The following FAT3 variants were observed in gnomAD, a reference collection of about 807,000 sequenced individuals.
The protein encoded by FAT3 is protocadherin Fat 3.
FAT3 carries 95 observed loss-of-function variants against 310.2 expected under a neutral mutation model. The ratio of observed to expected loss-of-function variants is 0.31; its 90% CI spans 0.26 to 0.36. The LOEUF (loss-of-function observed/expected upper bound fraction) is 0.36, where lower values mean the gene tolerates loss of function less well. Ranked by LOEUF, FAT3 falls within the 10% of genes least tolerant of loss-of-function variation. The pLI, the probability that FAT3 is intolerant of heterozygous loss-of-function variation, is 1.00. For missense variants in FAT3, 5,408 were observed against 5,715.6 expected (o/e 0.95, Z 1.74); for synonymous variants, 2,314 against 2,192.9 (o/e 1.06, Z -1.54).
intron 1 of FAT3, among the ~76,000 whole-genome samples, chr11:92,285,013 A>C (rs1021746793): frequency 2.0e-5 from 3 of 152,162 alleles, no homozygotes; most frequent in Non-Finnish European, 4.4e-5. Flanking sequence ...AAATGACATT[A>C]TAGGTATTAT....
At chr11:92,805,120 T>G in intron 10 of FAT3, 33 bp from the exon 11 acceptor site, 2 of 1,594,836 alleles carry the variant, frequency 1.3e-6, no homozygotes, top group South Asian at 2.3e-5. Context: ...TCATTGCACA[T>G]CTTCAAAAGC....
chr11:92,558,400 T>TTGTGTGTGTG (rs1285090598), intron 3 of FAT3, among the ~76,000 whole-genome samples: 3 of 78,544 alleles, frequency 3.8e-5, no homozygotes, highest in Admixed American at 1.5e-4. Flanking sequence ...CGTGTTGTGT[T>TTGTGTGTGTG]TATGTGTGTG....
intron 2 of FAT3, among the ~76,000 whole-genome samples, chr11:92,466,566 A>T (rs10444212): frequency 0.096 from 14,523 of 150,838 alleles, 1,066 homozygotes; most frequent in African/African-American, 0.21. Flanking sequence ...TTTTTTTTTT[A>T]AATTTTTTAA....
chr11:92,417,172 G>T (rs1950435029), intron 2 of FAT3, among the ~76,000 whole-genome samples: 1 of 152,084 alleles, frequency 6.6e-6, no homozygotes, highest in South Asian at 2.1e-4. Flanking sequence ...TTTTGTTGTG[G>T]TTCATTTCCT....
intron 1 of FAT3, among the ~76,000 whole-genome samples, chr11:92,244,472 A>G (rs1352316362): frequency 6.6e-6 from 1 of 152,136 alleles, no homozygotes; most frequent in Non-Finnish European, 1.5e-5. Context: ...GTTTTGCTGA[A>G]TGACTAAAAG....
chr11:92,368,833 C>CATATATATAT (rs778237959), intron 2 of FAT3, among the ~76,000 whole-genome samples: 10,669 of 140,872 alleles, frequency 0.076, 800 homozygotes, highest in African/African-American at 0.18. Flanking sequence ...TGTGTGTATA[C>CATATATATAT]ATATATATAT....
chr11:92,828,601 G>A (rs532448197), intron 13 of FAT3, among the ~76,000 whole-genome samples: 2 of 152,090 alleles, frequency 1.3e-5, no homozygotes, highest in Admixed American at 6.6e-5. Flanking sequence ...TGAGGAGGTG[G>A]GGGGAGTGTG....
intron 3 of FAT3, among the ~76,000 whole-genome samples, chr11:92,595,218 A>G (rs1939643398): frequency 1.3e-5 from 2 of 152,078 alleles, no homozygotes; most frequent in South Asian, 4.2e-4. Context: ...TGAGTTCAGG[A>G]GAGGATGATG....
At chr11:92,675,177 G>A (rs554523658) in intron 3 of FAT3, among the ~76,000 whole-genome samples, 6 of 152,196 alleles carry the variant, frequency 3.9e-5, no homozygotes, top group Non-Finnish European at 5.9e-5. Context: ...AACATTTATC[G>A]TCTGTTTGCT....
At chr11:92,464,294 T>G (rs1951707809) in intron 2 of FAT3, among the ~76,000 whole-genome samples, 1 of 152,200 alleles carries the variant, frequency 6.6e-6, no homozygotes, top group African/African-American at 2.4e-5. Context: ...ATTCTAATTG[T>G]TGGTCCTGGC....
chr11:92,838,345 A>C (rs1041544948), intron 17 of FAT3, among the ~76,000 whole-genome samples: 1 of 152,166 alleles, frequency 6.6e-6, no homozygotes, highest in Non-Finnish European at 1.5e-5. Context: ...TCCATAAGCA[A>C]TTTGTTTAAC....
chr11:92,400,056 C>T (rs1038901658), intron 2 of FAT3: 2 of 152,150 alleles, frequency 1.3e-5, no homozygotes, highest in African/African-American at 4.8e-5. Flanking sequence ...CCCAACACCT[C>T]TGAGATTGTC....
intron 4 of FAT3, among the ~76,000 whole-genome samples, chr11:92,709,999 A>G (rs993177518): frequency 1.3e-5 from 2 of 152,208 alleles, no homozygotes; most frequent in Non-Finnish European, 2.9e-5. Context: ...AAAGATGCTG[A>G]TAAGTCTTGA....
intron 3 of FAT3, among the ~76,000 whole-genome samples, chr11:92,617,994 C>A (rs900202044): frequency 1.3e-5 from 2 of 152,214 alleles, no homozygotes; most frequent in African/African-American, 4.8e-5. Flanking sequence ...GGGAGAACCA[C>A]TACTCTCTTC....
intron 17 of FAT3, among the ~76,000 whole-genome samples, chr11:92,839,891 T>C (rs1232819517): frequency 3.3e-5 from 5 of 152,232 alleles, no homozygotes; most frequent in Non-Finnish European, 7.3e-5. Flanking sequence ...AAAATAATGC[T>C]TATGTAATAG....
chr11:92,590,773 AAAG>A (rs1939383162), intron 3 of FAT3, among the ~76,000 whole-genome samples: 1 of 152,150 alleles, frequency 6.6e-6, no homozygotes, highest in Admixed American at 6.6e-5. Flanking sequence ...GAGGAACAGA[AAAG>A]AAGGAGATAT....
intron 1 of FAT3, among the ~76,000 whole-genome samples, chr11:92,312,432 C>T (rs910044685): frequency 2.0e-5 from 3 of 152,144 alleles, no homozygotes; most frequent in African/African-American, 7.2e-5. Flanking sequence ...AATGGGGCTT[C>T]TTTTGCAGAG....
At chr11:92,795,012 A>G (rs942078381) in intron 9 of FAT3, among the ~76,000 whole-genome samples, 4 of 152,068 alleles carry the variant, frequency 2.6e-5, no homozygotes, top group African/African-American at 9.7e-5. Context: ...GCAAGATTTC[A>G]CTCTGTTTAT....
chr11:92,561,425 A>G (rs1955222651), intron 3 of FAT3, among the ~76,000 whole-genome samples: 1 of 152,140 alleles, frequency 6.6e-6, no homozygotes, highest in African/African-American at 2.4e-5. Context: ...AATTTCCATA[A>G]AAGTCTAAGC....
Sources: allele counts gnomAD v4.1 joint callset (sites outside exome capture counted in the v4.1 genomes callset), GRCh38; gene constraint gnomAD v4.1.1; transcripts MANE v1.5; gene names NCBI Gene and HGNC (gene_info 2026-07-23, HGNC 2026-07-21).